The following CXCL13 variants were observed in gnomAD, a reference collection of about 807,000 sequenced individuals.
The protein encoded by CXCL13 is C-X-C motif chemokine ligand 13, also known as C-X-C motif chemokine 13.
CXCL13 carries 7 observed loss-of-function variants against 12.2 expected under a neutral mutation model. The ratio of observed to expected loss-of-function variants is 0.57; its 90% CI spans 0.33 to 1.07. The LOEUF (loss-of-function observed/expected upper bound fraction) is 1.07, where lower values mean the gene tolerates loss of function less well. Among genes scored for constraint, CXCL13 ranks in the 50% least tolerant of loss-of-function variants. CXCL13 has a pLI of 0.04. For synonymous variants in CXCL13, 47 were observed against 42.4 expected (o/e 1.11, Z -0.42); for missense variants, 113 against 127.4 (o/e 0.89, Z 0.55).
intron 1 of CXCL13, among the ~76,000 whole-genome samples, chr4:77,597,074 T>C (rs1224378017): frequency 6.6e-6 from 1 of 152,086 alleles, no homozygotes; most frequent in Non-Finnish European, 1.5e-5. Flanking sequence ...AAGAAGCATA[T>C]TGCATAATCT....
intron 1 of CXCL13, among the ~76,000 whole-genome samples, chr4:77,599,434 G>T (rs1359746671): frequency 6.6e-6 from 1 of 152,184 alleles, no homozygotes; most frequent in Non-Finnish European, 1.5e-5. Context: ...ATCTGTACAT[G>T]TTCAGAACAG....
chr4:77,580,062 T>G (rs1292932217), intron 1 of CXCL13, among the ~76,000 whole-genome samples: 1 of 152,036 alleles, frequency 6.6e-6, no homozygotes, highest in East Asian at 1.9e-4. Flanking sequence ...AGGTGCAGGT[T>G]GATTATTAAA....
intron 1 of CXCL13, among the ~76,000 whole-genome samples, chr4:77,539,847 G>GGT (rs1434704171): frequency 1.3e-5 from 2 of 152,038 alleles, no homozygotes; most frequent in Non-Finnish European, 2.9e-5. Flanking sequence ...TGACATTCCT[G>GGT]GTGTGTGTGG....
At chr4:77,597,051 AG>A (rs1265551876) in intron 1 of CXCL13, among the ~76,000 whole-genome samples, 2 of 152,208 alleles carry the variant, frequency 1.3e-5, no homozygotes, top group Admixed American at 6.5e-5. Flanking sequence ...AAGTAGTATA[AG>A]CCAGACACAT....
intron 1 of CXCL13, among the ~76,000 whole-genome samples, chr4:77,518,030 A>G (rs1036728920): frequency 2.9e-4 from 44 of 151,640 alleles, no homozygotes; most frequent in African/African-American, 1.0e-3. Context: ...TCTGTAAAGG[A>G]TTTTATTTCT....
chr4:77,560,881 T>C (rs745440792), intron 1 of CXCL13, among the ~76,000 whole-genome samples: 75 of 152,236 alleles, frequency 4.9e-4, no homozygotes, highest in Admixed American at 1.2e-3. Context: ...AATAATGATA[T>C]AATTTTTATA....
chr4:77,545,367 T>C (rs1437376048), intron 1 of CXCL13, among the ~76,000 whole-genome samples: 1 of 152,230 alleles, frequency 6.6e-6, no homozygotes, highest in Non-Finnish European at 1.5e-5. Flanking sequence ...TATTGATTCT[T>C]CCTACCCATG....
chr4:77,530,461 A>G (rs1724882785), intron 1 of CXCL13, among the ~76,000 whole-genome samples: 1 of 151,992 alleles, frequency 6.6e-6, no homozygotes, highest in Non-Finnish European at 1.5e-5. Context: ...AGAGCCTGTT[A>G]TTGTCTATTC....
At chr4:77,588,196 C>T (rs1207090387) in intron 1 of CXCL13, among the ~76,000 whole-genome samples, 1 of 152,160 alleles carries the variant, frequency 6.6e-6, no homozygotes, top group East Asian at 1.9e-4. Context: ...TCCTGGAGGG[C>T]CATCCCCCCG....
At chr4:77,533,260 C>A (rs192746548) in intron 1 of CXCL13, among the ~76,000 whole-genome samples, 694 of 152,288 alleles carry the variant, frequency 4.6e-3, no homozygotes, top group Non-Finnish European at 7.3e-3. Context: ...ACAGTCAGGA[C>A]CCTCAGCTGC....
chr4:77,589,565 A>G (rs1578067838), intron 1 of CXCL13, among the ~76,000 whole-genome samples: 1 of 152,128 alleles, frequency 6.6e-6, no homozygotes, highest in East Asian at 1.9e-4. Flanking sequence ...AGAAAAAAAA[A>G]ACCTAGTACA....
At chr4:77,513,804 C>CTTT (rs113540218) in intron 1 of CXCL13, among the ~76,000 whole-genome samples, 2 of 140,768 alleles carry the variant, frequency 1.4e-5, no homozygotes, top group South Asian at 4.5e-4. Context: ...GATGGTATCT[C>CTTT]TTTTTTTTTT....
At chr4:77,524,422 T>G (rs1035260370) in intron 1 of CXCL13, among the ~76,000 whole-genome samples, 1 of 152,218 alleles carries the variant, frequency 6.6e-6, no homozygotes, top group Non-Finnish European at 1.5e-5. Context: ...GTTTACCTAC[T>G]CAAGCCTCAG....
At chr4:77,578,352 T>C (rs553756595) in intron 1 of CXCL13, among the ~76,000 whole-genome samples, 1 of 152,310 alleles carries the variant, frequency 6.6e-6, no homozygotes, top group Non-Finnish European at 1.5e-5. Context: ...ACTTCTGCCT[T>C]CCCAAAACAG....
intron 1 of CXCL13, among the ~76,000 whole-genome samples, chr4:77,581,710 C>G (rs1236165029): frequency 6.6e-6 from 1 of 152,150 alleles, no homozygotes. Context: ...CCTCCCAAAC[C>G]TCTACAATCT....
chr4:77,559,495 G>A (rs960761021), intron 1 of CXCL13, among the ~76,000 whole-genome samples: 1 of 152,124 alleles, frequency 6.6e-6, no homozygotes, highest in Admixed American at 6.5e-5. Context: ...AGTAGCTGGG[G>A]CAATAGCTTC....
chr4:77,516,571 C>G (rs1366739495), intron 1 of CXCL13, among the ~76,000 whole-genome samples: 5 of 152,176 alleles, frequency 3.3e-5, no homozygotes, highest in Non-Finnish European at 7.3e-5. Flanking sequence ...TCCATTTCTT[C>G]TAGATTTTCT....
At chr4:77,538,298 T>G (rs1218070462) in intron 1 of CXCL13, among the ~76,000 whole-genome samples, 2 of 152,044 alleles carry the variant, frequency 1.3e-5, no homozygotes, top group African/African-American at 4.8e-5. Flanking sequence ...CTCAGTCTCA[T>G]GAAAGAGTTG....
At chr4:77,529,295 G>C (rs1724847282) in intron 1 of CXCL13, among the ~76,000 whole-genome samples, 1 of 152,160 alleles carries the variant, frequency 6.6e-6, no homozygotes, top group Non-Finnish European at 1.5e-5. Context: ...CTTTAAAGTA[G>C]ATTTTTCTAA....
Sources: allele counts gnomAD v4.1 joint callset (sites outside exome capture counted in the v4.1 genomes callset), GRCh38; gene constraint gnomAD v4.1.1; transcripts MANE v1.5; gene names NCBI Gene and HGNC (gene_info 2026-07-23, HGNC 2026-07-21).